The following MEGF6 variants were observed in gnomAD, a reference collection of about 807,000 sequenced individuals.
MEGF6 encodes multiple EGF like domains 6, also known as multiple epidermal growth factor-like domains protein 6.
A neutral mutation model predicts 207.1 loss-of-function variants in MEGF6; 184 were observed. That is an observed-to-expected ratio of 0.89 (90% CI 0.79 to 1.00). MEGF6 has a LOEUF of 1.00. Among genes scored for constraint, MEGF6 ranks in the 50% least tolerant of loss-of-function variants. The pLI is 0.00. For synonymous variants in MEGF6, 1,038 were observed against 910.0 expected (o/e 1.14, Z -2.53); for missense variants, 2,282 against 2,202.9 (o/e 1.04, Z -0.72).
intron 2 of MEGF6, among the ~76,000 whole-genome samples, chr1:3,596,528 CG>C (rs1644069158): frequency 1.1e-5 from 1 of 93,100 alleles, no homozygotes; most frequent in Non-Finnish European, 2.3e-5. Flanking sequence ...CAGGGCACCC[CG>C]CGCCATCCCC....
chr1:3,491,142 C>T (rs1197974183), intron 35 of MEGF6, among the ~76,000 whole-genome samples, 183 bp from the exon 36 acceptor site: 1 of 151,662 alleles, frequency 6.6e-6, no homozygotes, highest in African/African-American at 2.4e-5. Flanking sequence ...GGGGGGGGCT[C>T]TCCCTCTCCC....
chr1:3,539,490 C>T (rs756070548), intron 4 of MEGF6, among the ~76,000 whole-genome samples: 17 of 152,106 alleles, frequency 1.1e-4, no homozygotes, highest in South Asian at 2.1e-4. Flanking sequence ...TGGTGGGTTC[C>T]ACTCTTAGGA....
chr1:3,589,219 C>T (rs187604608), intron 3 of MEGF6, among the ~76,000 whole-genome samples: 2,089 of 152,268 alleles, frequency 0.014, 49 homozygotes, highest in African/African-American at 0.048. Flanking sequence ...GAAGGACCCT[C>T]CCCTAGAGCC....
upstream of MEGF6, among the ~76,000 whole-genome samples, chr1:3,612,912 G>A (rs968933722): frequency 2.6e-5 from 4 of 152,178 alleles, no homozygotes; most frequent in Admixed American, 1.3e-4. Context: ...TTACAGAAGG[G>A]GAGACCTAGG....
In MEGF6 at chr1:3,586,296, A is replaced by T. The variant is rs570512164; in HGVS notation, c.377-6367T>A. On this transcript the variant is annotated intron_variant, in intron 3 of 36. Coordinates refer to ENST00000356575, the MANE Select transcript of MEGF6 (RefSeq NM_001409.4). The stretch of plus-strand genomic sequence containing the variant: ...GGTGTGTGAGCATATGTCTGCACAT[A>T]AGCATGCATGTGGCGTGTGGCCTTG... 7.9e-4 allele frequency among the ~76,000 whole-genome samples: 120 copies of T among 152,358 alleles called. 1 individual carries two copies. The highest frequency in any genetic ancestry group is 2.7e-3 in the African/African-American group (112 of 41,578).
intron 4 of MEGF6, among the ~76,000 whole-genome samples, chr1:3,540,591 C>T (rs777565814): frequency 2.8e-4 from 42 of 152,356 alleles, no homozygotes; most frequent in South Asian, 1.0e-3. Flanking sequence ...TCCTACAGGA[C>T]GCCTTAGTCT....
rs1569947794 is a variant in MEGF6 at position 3,498,772 on chromosome 1, T to C, written c.3149A>G (p.Asn1050Ser). ...TGAGACAGGGTCACAGGTCCCTCCG[T>C]TCTGGCAGAGGCAGGAATGCCGACA... ...DNCRHSCLCQNGGTCDPVSGH... is the reference protein window; with the variant it reads ...DNCRHSCLCQSGGTCDPVSGH... Residue 1050 changes from asparagine (N) to serine (S), a missense_variant, in exon 25 of 37, where the codon AAC becomes AGC. Coordinates refer to ENST00000356575, the MANE Select transcript of MEGF6 (RefSeq NM_001409.4). The C allele has an allele frequency of 1.9e-6, 3 of 1,557,968 alleles. No homozygotes were observed. The highest frequency in any genetic ancestry group is 2.7e-5 in the African/African-American group (2 of 73,566).
the MEGF6 span, among the ~76,000 whole-genome samples, chr1:3,618,027 C>T: frequency 6.6e-6 from 1 of 152,176 alleles, no homozygotes; most frequent in African/African-American, 2.4e-5. This position sits in a 1 kb window ranked among gnomAD's most constrained non-coding sequence, Gnocchi z 4.7. Context: ...CTGCCCTGCC[C>T]TGCCCTGGGG....
At chr1:3,512,802 C>A (rs190653305) in intron 7 of MEGF6, among the ~76,000 whole-genome samples, 1 of 152,150 alleles carries the variant, frequency 6.6e-6, no homozygotes, top group African/African-American at 2.4e-5. Flanking sequence ...TTATCGGCAG[C>A]GTGAAAATGG....
At chr1:3,518,216 G>T (rs1465327399) in intron 5 of MEGF6, among the ~76,000 whole-genome samples, 1 of 151,932 alleles carries the variant, frequency 6.6e-6, no homozygotes, top group East Asian at 1.9e-4. Flanking sequence ...GACCAGGTAG[G>T]ATTCATGTCC....
chr1:3,586,779 G>T (rs960032126), intron 3 of MEGF6, among the ~76,000 whole-genome samples: 23 of 152,344 alleles, frequency 1.5e-4, no homozygotes, highest in African/African-American at 5.5e-4. Flanking sequence ...CAACCAGGTG[G>T]GCAGAGGCCA....
intron 30 of MEGF6, among the ~76,000 whole-genome samples, chr1:3,495,461 G>A (rs1007669414): frequency 1.3e-5 from 2 of 152,198 alleles, no homozygotes; most frequent in Admixed American, 1.3e-4. Context: ...TCTTGACTGT[G>A]CTCTAGGCCC....
intron 4 of MEGF6, among the ~76,000 whole-genome samples, chr1:3,550,836 G>C (rs1001671155): frequency 6.6e-6 from 1 of 152,254 alleles, no homozygotes; most frequent in Non-Finnish European, 1.5e-5. Context: ...CCCACCGCCC[G>C]TGCACTCACC....
In MEGF6 at chr1:3,509,093, T is replaced by C; in HGVS notation, c.1510A>G (p.Thr504Ala). 3 of 1,596,858 alleles carry C rather than the reference T, an allele frequency of 1.9e-6. No individual in the cohort carries two copies. The highest frequency in any genetic ancestry group is 2.6e-6 in the Non-Finnish European group (3 of 1,173,028). ...CGCTCACCAAACTTCTCTGTGAGCGTGTGTTCGCCCCGCAACTCTGCCTCT... is the reference window on the plus strand; with the variant it reads ...CGCTCACCAAACTTCTCTGTGAGCGCGTGTTCGCCCCGCAACTCTGCCTCT... ...EEEAELRGEH[T>A]LTEKFVCLDD... Residue 504 changes from threonine to alanine, a missense_variant, in exon 12 of 37, where the codon ACG becomes GCG. Physicochemically the swap from Thr to Ala is moderately conservative, Grantham distance 58. Transcript: ENST00000356575.
chr1:3,568,680 ACCTTGCCGGCCAGC>A (rs1397840631), intron 4 of MEGF6, among the ~76,000 whole-genome samples: 1 of 151,762 alleles, frequency 6.6e-6, no homozygotes, highest in Non-Finnish European at 1.5e-5. Context: ...GTGCCCTATG[ACCTTGCCGGCCAGC>A]CCTTTAGCCC....
chr1:3,620,909 C>G, the MEGF6 span, among the ~76,000 whole-genome samples: 1 of 152,238 alleles, frequency 6.6e-6, no homozygotes, highest in Non-Finnish European at 1.5e-5. Flanking sequence ...CACATGTCCA[C>G]TGGACAGGGG....
upstream of MEGF6, among the ~76,000 whole-genome samples, chr1:3,613,143 C>A (rs564373186): frequency 6.6e-6 from 1 of 152,342 alleles, no homozygotes; most frequent in South Asian, 2.1e-4. Flanking sequence ...GCCCCCGTTG[C>A]TGATGCTCCA....
At chr1:3,501,391 G>A (rs1640857967) in intron 18 of MEGF6, 83 bp from the exon 19 acceptor site, 8 of 1,495,118 alleles carry the variant, frequency 5.4e-6, no homozygotes, top group Admixed American at 4.1e-5. Context: ...TGCCCCTGGA[G>A]CCACGGCCGA....
intron 1 of MEGF6, among the ~76,000 whole-genome samples, chr1:3,603,298 C>A (rs965854860): frequency 6.6e-6 from 1 of 151,974 alleles, no homozygotes; most frequent in Non-Finnish European, 1.5e-5. Flanking sequence ...AGGACTCAGG[C>A]CCTGCGGGGG....
Sources: allele counts gnomAD v4.1 joint callset (sites outside exome capture counted in the v4.1 genomes callset), GRCh38; gene constraint gnomAD v4.1.1; non-coding constraint Gnocchi (gnomAD v3.1); transcripts MANE v1.5; gene names NCBI Gene and HGNC (gene_info 2026-07-23, HGNC 2026-07-21).